Variants in KLHL32 observed in about 807,000 individuals in gnomAD.
The protein encoded by KLHL32 is kelch-like protein 32.
In KLHL32, 35 loss-of-function variants were observed where a neutral mutation model predicts 64.8. That is an observed-to-expected ratio of 0.54 (90% CI 0.41 to 0.72). The LOEUF (loss-of-function observed/expected upper bound fraction) is 0.72. Ranked by LOEUF, KLHL32 falls within the 30% of genes least tolerant of loss-of-function variation. The pLI, the probability that KLHL32 is intolerant of heterozygous loss-of-function variation, is 0.00. For synonymous variants in KLHL32, 259 were observed against 281.0 expected (o/e 0.92, Z 0.78); for missense variants, 589 against 768.5 (o/e 0.77, Z 2.76).
At chr6:96,958,960 C>T (rs1773586487) in intron 1 of KLHL32, among the ~76,000 whole-genome samples, 1 of 152,142 alleles carries the variant, frequency 6.6e-6, no homozygotes, top group Non-Finnish European at 1.5e-5. Context: ...ACCCTCATCC[C>T]TCTCTGCTTG....
intron 1 of KLHL32, among the ~76,000 whole-genome samples, chr6:96,927,214 T>G (rs1396038552): frequency 1.3e-5 from 2 of 152,236 alleles, no homozygotes; most frequent in African/African-American, 4.8e-5. Context: ...AATGTTTTTT[T>G]TCTTGCCATA....
In KLHL32 at chr6:96,966,981, T is replaced by A; in HGVS notation, c.-65-15T>A. The A allele has an allele frequency of 7.5e-7, 1 of 1,334,862 alleles. No homozygotes were observed. Among genetic ancestry groups the A allele is most frequent in the Non-Finnish European group, 1.1e-6 (1 of 931,960 alleles). The allele number at this position is 1,334,862 out of a possible 1,614,324, so 82.7% of individuals were successfully genotyped here. A position where few individuals can be genotyped will look rare whatever the true frequency, so the allele number is the denominator to read the frequency against. On this transcript the variant is annotated splice_polypyrimidine_tract_variant and intron_variant, in intron 1 of 10. Transcript: ENST00000369261. ...TTTAGCTCAATGCACCCTTTTCTCTTGTCTTTTTATTCAGCTGGAATGCTT... is the reference window on the plus strand; with the variant it reads ...TTTAGCTCAATGCACCCTTTTCTCTAGTCTTTTTATTCAGCTGGAATGCTT...
intron 2 of KLHL32, among the ~76,000 whole-genome samples, 171 bp downstream of exon 2, chr6:96,967,254 A>T (rs945011737): frequency 2.0e-5 from 3 of 152,170 alleles, no homozygotes; most frequent in Non-Finnish European, 4.4e-5. Context: ...AACTGCTGTG[A>T]CCTACTTATT....
chr6:97,048,229 G>A (rs1451218890), intron 4 of KLHL32, among the ~76,000 whole-genome samples: 1 of 152,148 alleles, frequency 6.6e-6, no homozygotes, highest in Non-Finnish European at 1.5e-5. Flanking sequence ...TGCTAACTCT[G>A]TCAGCTGTGA....
intron 5 of KLHL32, among the ~76,000 whole-genome samples, chr6:97,068,357 A>G (rs539279303): frequency 6.6e-6 from 1 of 152,328 alleles, no homozygotes; most frequent in Admixed American, 6.5e-5. Context: ...AGTACTGAAT[A>G]CGCAACTCCC....
chr6:97,094,586 C>T (rs1794709201), intron 6 of KLHL32, among the ~76,000 whole-genome samples: 1 of 152,200 alleles, frequency 6.6e-6, no homozygotes, highest in Non-Finnish European at 1.5e-5. Flanking sequence ...ACCACCTCCT[C>T]CTTGTTACGT....
intron 3 of KLHL32, among the ~76,000 whole-genome samples, chr6:97,019,243 T>C (rs1164093408): frequency 6.6e-6 from 1 of 152,244 alleles, no homozygotes; most frequent in Non-Finnish European, 1.5e-5. Flanking sequence ...AGTATAGTTA[T>C]AGCCTTTTTG....
At chr6:97,018,717 T>C (rs190875934) in intron 3 of KLHL32, among the ~76,000 whole-genome samples, 106 of 152,224 alleles carry the variant, frequency 7.0e-4, no homozygotes, top group Middle Eastern at 3.4e-3. Context: ...TGCTATAAAG[T>C]AGAATTCAAG....
In KLHL32 at chr6:97,111,861, G is replaced by A. The variant is rs148795416; in HGVS notation, c.628-1922G>A. ...GAAGGTAATCTTCCCCTGAAGTCTG[G>A]CCATCCCCTGTTGGACTCCTCTCTG... On this transcript the variant is annotated intron_variant, in intron 6 of 10. Transcript: ENST00000369261. Among the ~76,000 whole-genome samples the A allele has an allele frequency of 3.2e-3, 487 of 152,196 alleles. 8 individuals are homozygous for A. The highest frequency in any genetic ancestry group is 7.3e-3 in the South Asian group (35 of 4,820).
At chr6:97,033,917 A>G (rs1423093034) in intron 3 of KLHL32, among the ~76,000 whole-genome samples, 1 of 152,028 alleles carries the variant, frequency 6.6e-6, no homozygotes, top group East Asian at 1.9e-4. Context: ...AGTTCCTTAA[A>G]TATTTTGGAT....
intron 7 of KLHL32, among the ~76,000 whole-genome samples, chr6:97,123,804 G>T (rs746572926): frequency 2.0e-5 from 3 of 152,180 alleles, no homozygotes; most frequent in Non-Finnish European, 4.4e-5. Flanking sequence ...CAGTATAGCA[G>T]CATGTGGCAT....
At chr6:97,086,888 C>A (rs1284560126) in intron 6 of KLHL32, among the ~76,000 whole-genome samples, 1 of 152,202 alleles carries the variant, frequency 6.6e-6, no homozygotes, top group African/African-American at 2.4e-5. Context: ...ATGAATCCTG[C>A]ATTTAATTTT....
At chr6:97,136,066 G>A (rs1206144) in intron 10 of KLHL32, among the ~76,000 whole-genome samples, 70,411 of 151,980 alleles carry the variant, frequency 0.46, 16,489 homozygotes, top group South Asian at 0.53. Flanking sequence ...TTTTTGTGTC[G>A]TCAGTCACAA....
chr6:97,058,559 A>T (rs946068818), intron 4 of KLHL32, among the ~76,000 whole-genome samples: 2 of 152,260 alleles, frequency 1.3e-5, no homozygotes, highest in Non-Finnish European at 2.9e-5. Context: ...TCTAGCCATA[A>T]AAATTTAATT....
chr6:97,139,979 G>T lies in KLHL32; in HGVS notation c.*697G>T, dbSNP rs574795965. On this transcript the variant is annotated 3_prime_UTR_variant, in exon 11 of 11. Transcript: ENST00000369261. ...TTTAAAAGAACATTATGAGGATTAG[G>T]CGAACACTTTGTAATACTTTGCCCA... is the stretch of plus-strand genomic sequence containing the variant. The T allele has an allele frequency of 1.0e-3, 159 of 152,182 alleles. No homozygotes were observed. Among genetic ancestry groups the T allele is most frequent in the African/African-American group, 3.7e-3 (155 of 41,522 alleles). The allele number at this position is 152,182 out of a possible 1,614,324, so 9.4% of individuals were successfully genotyped here.
chr6:96,932,659 C>T (rs763502629), intron 1 of KLHL32, among the ~76,000 whole-genome samples: 27 of 149,938 alleles, frequency 1.8e-4, no homozygotes, highest in Non-Finnish European at 3.0e-4. Context: ...CTTAATCTCC[C>T]GGGCTCAAGC....
chr6:96,976,317 G>A (rs535040162), intron 3 of KLHL32, 140 bp downstream of exon 3: 2 of 765,394 alleles, frequency 2.6e-6, no homozygotes, highest in Non-Finnish European at 3.8e-6. Context: ...TTCCTGGGTA[G>A]AATGCTTCCT....
At chr6:97,046,909 G>T (rs1285257686) in intron 4 of KLHL32, among the ~76,000 whole-genome samples, 2 of 152,208 alleles carry the variant, frequency 1.3e-5, no homozygotes, top group Non-Finnish European at 2.9e-5. Context: ...AACATCGAGT[G>T]TATCTGCCTA....
intron 3 of KLHL32, among the ~76,000 whole-genome samples, chr6:97,030,556 G>A (rs1406802898): frequency 6.6e-6 from 1 of 152,188 alleles, no homozygotes; most frequent in African/African-American, 2.4e-5. Flanking sequence ...TCTCAGCCTG[G>A]CCGAGGCTCT....
Sources: gnomAD v4.1 joint callset for allele counts (sites outside exome capture counted in the v4.1 genomes callset) on GRCh38, gnomAD v4.1.1 for gene constraint, MANE v1.5 for transcripts, NCBI Gene and HGNC (gene_info 2026-07-23, HGNC 2026-07-21) for gene names.